OR5K2: variants seen among roughly 807,000 people sequenced by gnomAD.
The protein encoded by OR5K2 is olfactory receptor family 5 subfamily K member 2.
For missense variants in OR5K2, 402 were observed against 369.8 expected (o/e 1.09, Z -0.71); for synonymous variants, 124 against 133.2 (o/e 0.93, Z 0.48).
chr3:98,497,917 C>A lies in OR5K2; in HGVS notation c.237C>A (p.Pro79=). 6.2e-7 allele frequency: 1 copy of A among 1,614,096 alleles called. No homozygotes were observed. The highest frequency in any genetic ancestry group is 8.5e-7 in the Non-Finnish European group (1 of 1,179,968). The part of the protein sequence containing the change: ...VDSCCACAIT[P]KMLENFFSEG... ...CTTGCTGTGCCTGTGCTATTACCCC[C>A]AAAATGTTAGAGAACTTCTTTTCTG... Residue 79 remains proline (P), a synonymous_variant, in exon 1 of 1, where the codon CCC becomes CCA. Transcript: ENST00000427338.
rs1283254530 is a variant in OR5K2, at chr3:98,498,405, C to T, written c.725C>T (p.Ala242Val). ...EGRAKAFSTC[A>V]SHFSSVSLFY... Reference sequence around the variant, plus strand: ...AGGGCCAAAGCCTTTTCTACTTGTGCATCCCACTTTTCATCAGTTTCATTA... The same window carrying T: ...AGGGCCAAAGCCTTTTCTACTTGTGTATCCCACTTTTCATCAGTTTCATTA... The change falls in exon 1 of 1, where the codon GCA (alanine) becomes GTA (valine). Residue 242 changes from alanine to valine, a missense_variant. Transcript: ENST00000427338. 3.7e-6 allele frequency: 6 copies of T among 1,613,244 alleles called. No individual in the cohort carries two copies. Among genetic ancestry groups the T allele is most frequent in the Non-Finnish European group, 5.1e-6 (6 of 1,179,488 alleles).
In OR5K2 at chr3:98,497,828, T is replaced by C; in HGVS notation, c.148T>C (p.Phe50Leu). 6.2e-7 allele frequency: 1 copy of C among 1,614,104 alleles called. No homozygotes were observed. The highest frequency in any genetic ancestry group is 8.5e-7 in the Non-Finnish European group (1 of 1,179,972). The part of the protein sequence containing the change: ...VGNISLVALI[F>L]THCRLHTPMY... ...GAATATTAGTTTGGTGGCACTGATA[T>C]TTACACACTGTCGGCTTCACACACC... is the stretch of plus-strand genomic sequence containing the variant. Residue 50 changes from phenylalanine (F) to leucine (L), a missense_variant, in exon 1 of 1, where the codon TTT (phenylalanine) becomes CTT (leucine). Coordinates refer to ENST00000427338, the MANE Select transcript of OR5K2 (RefSeq NM_001004737.1).
chr3:98,497,838 G>T lies in OR5K2; in HGVS notation c.158G>T (p.Cys53Phe). 3 of 1,614,084 alleles carry T rather than the reference G, an allele frequency of 1.9e-6. No individual in the cohort carries two copies. The highest frequency in any genetic ancestry group is 2.5e-6 in the Non-Finnish European group (3 of 1,179,972). The change falls in exon 1 of 1, where the codon TGT (cysteine) becomes TTT (phenylalanine). Residue 53 changes from cysteine to phenylalanine, a missense_variant. Coordinates refer to ENST00000427338, the MANE Select transcript of OR5K2 (RefSeq NM_001004737.1). Reference sequence around the variant, plus strand: ...TTGGTGGCACTGATATTTACACACTGTCGGCTTCACACACCAATGTACATC... The same window carrying T: ...TTGGTGGCACTGATATTTACACACTTTCGGCTTCACACACCAATGTACATC... Reference protein sequence around the residue: ...ISLVALIFTHCRLHTPMYIFL... With the variant: ...ISLVALIFTHFRLHTPMYIFL...
In OR5K2 at chr3:98,498,007, T is replaced by C; in HGVS notation, c.327T>C (p.Thr109=). 6.2e-7 allele frequency: 1 copy of C among 1,614,080 alleles called. No homozygotes were observed. The highest frequency in any genetic ancestry group is 8.5e-7 in the Non-Finnish European group (1 of 1,179,986). The change falls in exon 1 of 1, where the codon ACT becomes ACC. Residue 109 remains threonine, a synonymous_variant. Coordinates refer to ENST00000427338, the MANE Select transcript of OR5K2 (RefSeq NM_001004737.1). The part of the protein sequence containing the change: ...VQFYFLCTVE[T]ADCFLLAAVA... Reference sequence around the variant, plus strand: ...TTTATTTTCTTTGCACTGTGGAAACTGCAGACTGCTTTCTTCTGGCAGCAG... The same window carrying C: ...TTTATTTTCTTTGCACTGTGGAAACCGCAGACTGCTTTCTTCTGGCAGCAG...
At position 98,497,693 on chromosome 3, in the gene OR5K2, A is replaced by C; in HGVS notation, c.13A>C (p.Asn5His). The C allele has an allele frequency of 6.2e-7, 1 of 1,612,458 alleles. No homozygotes were observed. The highest frequency in any genetic ancestry group is 8.5e-7 in the Non-Finnish European group (1 of 1,178,882). The change falls in exon 1 of 1, where the codon AAT becomes CAT. Residue 5 changes from asparagine to histidine, a missense_variant. Coordinates refer to ENST00000427338, the MANE Select transcript of OR5K2 (RefSeq NM_001004737.1). MVEE[N>H]HTMKNEFILT... ...AGAGAGGTCAGGAATGGTTGAAGAA[A>C]ATCATACCATGAAAAATGAGTTTAT...
Position 98,498,351 on chromosome 3 carries a change from C to T in OR5K2, c.671C>T (p.Thr224Ile). 6.2e-7 allele frequency: 1 copy of T among 1,613,788 alleles called. No individual in the cohort carries two copies. Among genetic ancestry groups the T allele is most frequent in the Non-Finnish European group, 8.5e-7 (1 of 1,179,816 alleles). The change falls in exon 1 of 1, where the codon ACT (threonine) becomes ATT (isoleucine). Residue 224 changes from threonine to isoleucine, a missense_variant. By Grantham distance (89) the Thr-to-Ile change is moderately conservative. Transcript: ENST00000427338. ...ATATCTTATCTCTATATTCTTCTTACTATTTTCAGAATGAAATCCAAGGAG... is the reference window on the plus strand; with the variant it reads ...ATATCTTATCTCTATATTCTTCTTATTATTTTCAGAATGAAATCCAAGGAG... ...VLISYLYILL[T>I]IFRMKSKEGR... is the part of the protein sequence containing the mutation.
In OR5K2 at chr3:98,498,548, T is replaced by G. The variant is rs767088217; in HGVS notation, c.868T>G (p.Tyr290Asp). The G allele has an allele frequency of 6.2e-7, 1 of 1,606,786 alleles. No homozygotes were observed. The highest frequency in any genetic ancestry group is 1.3e-5 in the African/African-American group (1 of 74,652). Reference sequence around the variant, plus strand: ...AGTTCCCTTACTAAATCCTTTCATTTATAGTCTGAGAAACAAGGAAGTAAT... The same window carrying G: ...AGTTCCCTTACTAAATCCTTTCATTGATAGTCTGAGAAACAAGGAAGTAAT... ...IVVPLLNPFI[Y>D]SLRNKEVISV... Residue 290 changes from tyrosine (Y) to aspartate (D), a missense_variant, in exon 1 of 1, where the codon TAT becomes GAT. Tyr to Asp is a radical substitution (Grantham distance 160). Coordinates refer to ENST00000427338, the MANE Select transcript of OR5K2 (RefSeq NM_001004737.1).
At position 98,498,424 on chromosome 3, in the gene OR5K2, T is replaced by C; in HGVS notation, c.744T>C (p.Val248=). The C allele has an allele frequency of 6.2e-7, 1 of 1,613,656 alleles. No individual in the cohort carries two copies. Among genetic ancestry groups the C allele is most frequent in the Non-Finnish European group, 8.5e-7 (1 of 1,179,736 alleles). ...CTTGTGCATCCCACTTTTCATCAGT[T>C]TCATTATTCTATGGATCTATTTTTT... is the stretch of plus-strand genomic sequence containing the variant. ...FSTCASHFSS[V]SLFYGSIFFL... is the part of the protein sequence containing the mutation. The change falls in exon 1 of 1, where the codon GTT becomes GTC. Residue 248 remains valine (V), a synonymous_variant. Transcript: ENST00000427338.
rs567694345 is a variant in OR5K2 at position 98,498,383 on chromosome 3, G to A, written c.703G>A (p.Ala235Thr). 28 of 1,613,578 alleles carry A rather than the reference G, an allele frequency of 1.7e-5. No homozygotes were observed. The East Asian group carries it at 3.1e-4, about 18-fold the overall frequency. ...CAGAATGAAATCCAAGGAGGGAAGG[G>A]CCAAAGCCTTTTCTACTTGTGCATC... ...IFRMKSKEGR[A>T]KAFSTCASHF... is the part of the protein sequence containing the mutation. Residue 235 changes from alanine (A) to threonine (T), a missense_variant, in exon 1 of 1, where the codon GCC becomes ACC. Transcript: ENST00000427338.
rs142940479 is a variant in OR5K2, at chr3:98,497,898, G to T, written c.218G>T (p.Cys73Phe). 1.1e-5 allele frequency: 18 copies of T among 1,613,980 alleles called. 1 individual carries two copies. The African/African-American group carries it at 2.0e-4, about 18-fold the overall frequency. ...AATCTGGCTCTTGTGGATTCTTGCT[G>T]TGCCTGTGCTATTACCCCCAAAATG... ...LGNLALVDSC[C>F]ACAITPKMLE... Residue 73 changes from cysteine to phenylalanine, a missense_variant, in exon 1 of 1, where the codon TGT becomes TTT. Cys to Phe is a radical substitution (Grantham distance 205, BLOSUM62 -2). Transcript: ENST00000427338.
Position 98,498,153 on chromosome 3 carries a change from T to C in OR5K2, c.473T>C (p.Ile158Thr), listed in dbSNP as rs1705725343. Residue 158 changes from isoleucine to threonine, a missense_variant, in exon 1 of 1, where the codon ATT becomes ACT. By Grantham distance (89) the Ile-to-Thr change is moderately conservative. Transcript: ENST00000427338. ...AFIAGNLHSMIHVGLVFRLVF... is the reference protein window; with the variant it reads ...AFIAGNLHSMTHVGLVFRLVF... Reference sequence around the variant, plus strand: ...ATAGCTGGAAATCTGCATTCCATGATTCATGTAGGGCTTGTATTTAGGTTA... The same window carrying C: ...ATAGCTGGAAATCTGCATTCCATGACTCATGTAGGGCTTGTATTTAGGTTA... 6.2e-7 allele frequency: 1 copy of C among 1,613,990 alleles called. No individual in the cohort carries two copies. Among genetic ancestry groups the C allele is most frequent in the African/African-American group, 1.3e-5 (1 of 74,910 alleles).
rs768543252 is a variant in OR5K2 at position 98,497,855 on chromosome 3, A to G, written c.175A>G (p.Met59Val). 5.0e-6 allele frequency: 8 copies of G among 1,613,956 alleles called. No individual in the cohort carries two copies. The highest frequency in any genetic ancestry group is 4.5e-5 in the East Asian group (2 of 44,894). ...IFTHCRLHTPMYIFLGNLALV... is the reference protein window; with the variant it reads ...IFTHCRLHTPVYIFLGNLALV... ...TACACACTGTCGGCTTCACACACCA[A>G]TGTACATCTTTCTGGGAAATCTGGC... Residue 59 changes from methionine to valine, a missense_variant, in exon 1 of 1, where the codon ATG becomes GTG. Transcript: ENST00000427338.
At position 98,498,123 on chromosome 3, in the gene OR5K2, C is replaced by A; in HGVS notation, c.443C>A (p.Ala148Asp). Residue 148 changes from alanine to aspartate, a missense_variant, in exon 1 of 1, where the codon GCC (alanine) becomes GAC (aspartate). Transcript: ENST00000427338. Reference protein sequence around the residue: ...KKLCIQMTTGAFIAGNLHSMI... With the variant: ...KKLCIQMTTGDFIAGNLHSMI... ...CTCTGCATTCAGATGACCACAGGCGCCTTCATAGCTGGAAATCTGCATTCC... is the reference window on the plus strand; with the variant it reads ...CTCTGCATTCAGATGACCACAGGCGACTTCATAGCTGGAAATCTGCATTCC... 1 of 1,614,064 alleles carries A rather than the reference C, an allele frequency of 6.2e-7. No homozygotes were observed. The highest frequency in any genetic ancestry group is 8.5e-7 in the Non-Finnish European group (1 of 1,179,972).
Position 98,498,550 on chromosome 3 carries a change from T to C in OR5K2, c.870T>C (p.Tyr290=), listed in dbSNP as rs146517377. ...TTCCCTTACTAAATCCTTTCATTTA[T>C]AGTCTGAGAAACAAGGAAGTAATAA... ...IVVPLLNPFI[Y]SLRNKEVISV... The change falls in exon 1 of 1, where the codon TAT becomes TAC. Residue 290 remains tyrosine, a synonymous_variant. Coordinates refer to ENST00000427338, the MANE Select transcript of OR5K2 (RefSeq NM_001004737.1). 700 of 1,606,714 alleles carry C rather than the reference T, an allele frequency of 4.4e-4. No homozygotes were observed. Among genetic ancestry groups the C allele is most frequent in the Non-Finnish European group, 5.2e-4 (607 of 1,174,814 alleles).
rs756571307 is a variant in OR5K2 at position 98,498,436 on chromosome 3, T to G, written c.756T>G (p.Tyr252Ter). ...ACTTTTCATCAGTTTCATTATTCTA[T>G]GGATCTATTTTTTTCCTATACATTA... ...ASHFSSVSLFYGSIFFLYIRP... is the reference protein window; with the variant it reads ...ASHFSSVSLF The change falls in exon 1 of 1, where the codon TAT becomes TAG. Residue 252 changes from tyrosine to a stop codon, truncating the protein, a stop_gained. Coordinates refer to ENST00000427338, the MANE Select transcript of OR5K2 (RefSeq NM_001004737.1). LOFTEE classifies it low-confidence loss of function (END_TRUNC). 2 of 1,613,510 alleles carry G rather than the reference T, an allele frequency of 1.2e-6. No homozygotes were observed. Among genetic ancestry groups the G allele is most frequent in the African/African-American group, 2.7e-5 (2 of 74,920 alleles).
chr3:98,498,329 T>A lies in OR5K2; in HGVS notation c.649T>A (p.Ser217Thr), dbSNP rs764042116. 1.9e-6 allele frequency: 3 copies of A among 1,613,938 alleles called. No homozygotes were observed. Among genetic ancestry groups the A allele is most frequent in the Non-Finnish European group, 2.5e-6 (3 of 1,179,912 alleles). Residue 217 changes from serine (S) to threonine (T), a missense_variant, in exon 1 of 1, where the codon TCT becomes ACT. By Grantham distance (58) the Ser-to-Thr change is moderately conservative. Coordinates refer to ENST00000427338, the MANE Select transcript of OR5K2 (RefSeq NM_001004737.1). ...CTTTACCATAGGTAGTGTCTTAATA[T>A]CTTATCTCTATATTCTTCTTACTAT... ...QVFTIGSVLISYLYILLTIFR... is the reference protein window; with the variant it reads ...QVFTIGSVLITYLYILLTIFR...
chr3:98,498,444 T>C lies in OR5K2; in HGVS notation c.764T>C (p.Ile255Thr), dbSNP rs996965524. Residue 255 changes from isoleucine to threonine, a missense_variant, in exon 1 of 1, where the codon ATT (isoleucine) becomes ACT (threonine). Physicochemically the swap from Ile to Thr is moderately conservative, Grantham distance 89. Transcript: ENST00000427338. ...TCAGTTTCATTATTCTATGGATCTA[T>C]TTTTTTCCTATACATTAGACCAAAT... is the stretch of plus-strand genomic sequence containing the variant. ...FSSVSLFYGS[I>T]FFLYIRPNLL... 1.9e-6 allele frequency: 3 copies of C among 1,613,004 alleles called. No individual in the cohort carries two copies. Among genetic ancestry groups the C allele is most frequent in the Non-Finnish European group, 2.5e-6 (3 of 1,179,272 alleles).
rs114759481 is a variant in OR5K2 at position 98,497,965 on chromosome 3, T to C, written c.285T>C (p.Tyr95=). ...FFSEGKRISL[Y]ECAVQFYFLC... is the part of the protein sequence containing the mutation. ...CTGAGGGCAAAAGGATTTCCCTCTA[T>C]GAATGTGCAGTACAGTTTTATTTTC... is the stretch of plus-strand genomic sequence containing the variant. Residue 95 remains tyrosine, a synonymous_variant, in exon 1 of 1, where the codon TAT becomes TAC. Coordinates refer to ENST00000427338, the MANE Select transcript of OR5K2 (RefSeq NM_001004737.1). 6.7e-4 allele frequency: 1,080 copies of C among 1,614,122 alleles called. 11 individuals carry two copies. In the African/African-American group the frequency reaches 0.011, roughly 17 times the overall value.
chr3:98,497,916 C>T lies in OR5K2; in HGVS notation c.236C>T (p.Pro79Leu). The part of the protein sequence containing the change: ...VDSCCACAIT[P>L]KMLENFFSEG... ...TCTTGCTGTGCCTGTGCTATTACCCCCAAAATGTTAGAGAACTTCTTTTCT... is the reference window on the plus strand; with the variant it reads ...TCTTGCTGTGCCTGTGCTATTACCCTCAAAATGTTAGAGAACTTCTTTTCT... Residue 79 changes from proline (P) to leucine (L), a missense_variant, in exon 1 of 1, where the codon CCC becomes CTC. By Grantham distance (98) the Pro-to-Leu change is moderately conservative (BLOSUM62 -3). Transcript: ENST00000427338. 6.2e-7 allele frequency: 1 copy of T among 1,614,070 alleles called. No individual in the cohort carries two copies. Among genetic ancestry groups the T allele is most frequent in the Non-Finnish European group, 8.5e-7 (1 of 1,179,956 alleles).
Sources: gnomAD v4.1 joint callset for allele counts on GRCh38, gnomAD v4.1.1 for gene constraint, MANE v1.5 for transcripts, NCBI Gene and HGNC (gene_info 2026-07-23, HGNC 2026-07-21) for gene names.